Variants in RGS7 observed in about 807,000 individuals in gnomAD.
RGS7 encodes the protein regulator of G protein signaling 7, also known as regulator of G-protein signaling 7.
RGS7 carries 27 observed loss-of-function variants against 81.1 expected under a neutral mutation model. The observed-to-expected ratio is 0.33, with a 90% CI of 0.25 to 0.46. RGS7 has a LOEUF of 0.46. Ranked by LOEUF, RGS7 falls within the 20% of genes least tolerant of loss-of-function variation. The pLI is 1.00. For missense variants in RGS7, 396 were observed against 607.4 expected (o/e 0.65, Z 3.66); for synonymous variants, 208 against 207.7 (o/e 1.00, Z -0.01).
intron 2 of RGS7, among the ~76,000 whole-genome samples, chr1:241,159,314 A>C (rs894017537): frequency 5.3e-5 from 8 of 152,062 alleles, no homozygotes; most frequent in Admixed American, 1.3e-4. Context: ...CTACACACTA[A>C]AGCCCTTACT....
intron 2 of RGS7, among the ~76,000 whole-genome samples, chr1:241,160,659 A>G (rs2069575162): frequency 6.6e-6 from 1 of 152,192 alleles, no homozygotes; most frequent in African/African-American, 2.4e-5. Context: ...TGTATTATCA[A>G]TTGTACCCTT....
intron 3 of RGS7, among the ~76,000 whole-genome samples, chr1:241,075,761 T>C (rs563378851): frequency 2.3e-4 from 35 of 152,302 alleles, no homozygotes; most frequent in African/African-American, 8.2e-4. Flanking sequence ...TGAAAGACAG[T>C]AGTCAGTATA....
At chr1:241,231,703 A>G (rs1467636826) in intron 2 of RGS7, among the ~76,000 whole-genome samples, 1 of 152,224 alleles carries the variant, frequency 6.6e-6, no homozygotes, top group Non-Finnish European at 1.5e-5. Context: ...TTGAGTTGTA[A>G]GATCCCTCTG....
At chr1:241,150,435 T>G (rs1212427880) in intron 2 of RGS7, among the ~76,000 whole-genome samples, 7 of 152,178 alleles carry the variant, frequency 4.6e-5, no homozygotes, top group African/African-American at 1.4e-4. Context: ...AAAAAAAAAC[T>G]TTATGACTCT....
chr1:241,110,501 T>C (rs187359541), intron 2 of RGS7, among the ~76,000 whole-genome samples: 1 of 152,166 alleles, frequency 6.6e-6, no homozygotes, highest in Non-Finnish European at 1.5e-5. Flanking sequence ...AAGACAACCA[T>C]TGATTTGGAT....
chr1:240,957,953 A>G (rs75642138), intron 4 of RGS7, among the ~76,000 whole-genome samples: 9,098 of 152,254 alleles, frequency 0.06, 294 homozygotes, highest in South Asian at 0.096. Flanking sequence ...GATTTTACAG[A>G]CCCAGTGACC....
intron 3 of RGS7, among the ~76,000 whole-genome samples, chr1:241,039,155 C>A (rs1297904390): frequency 2.0e-5 from 3 of 152,034 alleles, no homozygotes; most frequent in Non-Finnish European, 4.4e-5. Flanking sequence ...TTGACACATT[C>A]AGGACACCTG....
intron 2 of RGS7, among the ~76,000 whole-genome samples, chr1:241,223,415 G>T (rs2075127716): frequency 6.6e-6 from 1 of 152,160 alleles, no homozygotes; most frequent in East Asian, 1.9e-4. Context: ...GCAACTTGCT[G>T]CTCAGATACC....
chr1:241,048,267 G>T lies in RGS7; in HGVS notation c.175+50399C>A, dbSNP rs890217868. ...AAACCAGGCTCAGCCTCCCCCTGGT[G>T]AGCCTAATGAGGCACAGAAATAAAA... On this transcript the variant is annotated intron_variant, in intron 3 of 18. Coordinates refer to ENST00000440928, the MANE Select transcript of RGS7 (RefSeq NM_001364886.1). 2.0e-5 allele frequency among the ~76,000 whole-genome samples: 3 copies of T among 152,110 alleles called. 1 individual carries two copies. In the South Asian group the frequency reaches 6.2e-4, roughly 31 times the overall value.
intron 2 of RGS7, among the ~76,000 whole-genome samples, chr1:241,196,454 T>C (rs572059274): frequency 1.3e-5 from 2 of 151,958 alleles, no homozygotes; most frequent in Non-Finnish European, 2.9e-5. Context: ...AGCCTCAAAA[T>C]AGCATATTAA....
intron 3 of RGS7, among the ~76,000 whole-genome samples, chr1:241,088,474 C>A (rs1389854214): frequency 6.6e-6 from 1 of 152,032 alleles, no homozygotes; most frequent in African/African-American, 2.4e-5. Flanking sequence ...CCTTGCCAAA[C>A]CCCAAAAACC....
At chr1:241,100,238 G>A (rs990725140) in intron 2 of RGS7, among the ~76,000 whole-genome samples, 14 of 151,976 alleles carry the variant, frequency 9.2e-5, no homozygotes, top group Non-Finnish European at 1.5e-4. Flanking sequence ...AGCCGGGCGC[G>A]GTGGCAGGCG....
chr1:241,250,705 G>A (rs755182477), intron 2 of RGS7, among the ~76,000 whole-genome samples: 1 of 152,138 alleles, frequency 6.6e-6, no homozygotes. Flanking sequence ...TGTTTAAGGA[G>A]TGTTTGCACA....
intron 14 of RGS7, among the ~76,000 whole-genome samples, chr1:240,807,921 G>A (rs1464325253): frequency 1.3e-5 from 2 of 151,636 alleles, no homozygotes; most frequent in Admixed American, 1.3e-4. Flanking sequence ...CATAATCCCA[G>A]CTACTCGGGA....
intron 3 of RGS7, among the ~76,000 whole-genome samples, chr1:241,044,498 C>A (rs1431178749): frequency 6.6e-6 from 1 of 152,182 alleles, no homozygotes; most frequent in Non-Finnish European, 1.5e-5. Context: ...TCATAGCTCA[C>A]TGTAACCTCA....
At chr1:241,166,191 A>C (rs573815229) in intron 2 of RGS7, among the ~76,000 whole-genome samples, 2 of 152,336 alleles carry the variant, frequency 1.3e-5, no homozygotes, top group South Asian at 4.1e-4. Context: ...GAACCTGAAA[A>C]ATGAAATGGA....
chr1:240,880,875 ATAATTCCT>A (rs981090809), intron 6 of RGS7, among the ~76,000 whole-genome samples: 12 of 152,174 alleles, frequency 7.9e-5, no homozygotes, highest in African/African-American at 2.7e-4. Context: ...CTCTGTGCTA[ATAATTCCT>A]TTTCCTCTGG....
At chr1:240,969,305 G>A (rs1022444387) in intron 4 of RGS7, among the ~76,000 whole-genome samples, 3 of 152,184 alleles carry the variant, frequency 2.0e-5, no homozygotes, top group South Asian at 2.1e-4. Context: ...GCTCTAAAAA[G>A]AAGAAGAAAG....
chr1:241,080,227 C>G (rs188955158), intron 3 of RGS7, among the ~76,000 whole-genome samples: 2 of 151,502 alleles, frequency 1.3e-5, no homozygotes, highest in South Asian at 2.1e-4. Context: ...AATTAATAAA[C>G]CTTTTATCTT....
Sources: gnomAD v4.1 joint callset for allele counts (sites outside exome capture counted in the v4.1 genomes callset) on GRCh38, gnomAD v4.1.1 for gene constraint, MANE v1.5 for transcripts, NCBI Gene and HGNC (gene_info 2026-07-23, HGNC 2026-07-21) for gene names.